The following HSH2D variants were observed in gnomAD, a reference collection of about 807,000 sequenced individuals.
HSH2D encodes the protein hematopoietic SH2 domain-containing protein.
HSH2D carries 16 observed loss-of-function variants against 21.5 expected under a neutral mutation model. The ratio of observed to expected loss-of-function variants is 0.74; its 90% CI spans 0.50 to 1.13. The LOEUF is 1.13. Among genes scored for constraint, HSH2D ranks in the 50% most tolerant of loss-of-function variants. HSH2D has a pLI of 0.00. For missense variants in HSH2D, 418 were observed against 441.4 expected, an observed-to-expected ratio of 0.95 and a Z score of 0.47; for synonymous variants, 172 against 184.7, an observed-to-expected ratio of 0.93 and a Z score of 0.56.
intron 3 of HSH2D, 90 bp from the exon 4 acceptor site, chr19:16,152,953 G>A (rs529929809): frequency 6.9e-7 from 1 of 1,459,308 alleles, no homozygotes; most frequent in South Asian, 1.2e-5. Flanking sequence ...TAGTCTGGCT[G>A]TAGCAGTGAC....
intron 1 of HSH2D, among the ~76,000 whole-genome samples, chr19:16,136,623 C>T (rs185335678): frequency 1.7e-3 from 256 of 152,294 alleles, no homozygotes; most frequent in African/African-American, 5.7e-3. Flanking sequence ...ATGCCAGCAG[C>T]TGCGTCAATA....
intron 5 of HSH2D, among the ~76,000 whole-genome samples, chr19:16,156,760 G>C (rs2091242106): frequency 6.6e-6 from 1 of 152,134 alleles, no homozygotes; most frequent in South Asian, 2.1e-4. Context: ...GGCCGAGGTG[G>C]GTGGATCACC....
In HSH2D at chr19:16,152,604, G is replaced by A; in HGVS notation, c.178G>A (p.Val60Ile). ...GCCACTGGGATCCTTTCTCATCAGG[G>A]TCAGTCACAGCCATGTGGGCTACAC... The part of the protein sequence containing the change: ...SQPLGSFLIR[V>I]SHSHVGYTLS... Residue 60 changes from valine (V) to isoleucine (I), a missense_variant, in exon 3 of 6, where the codon GTC becomes ATC. Coordinates refer to ENST00000613986, the MANE Select transcript of HSH2D (RefSeq NM_001382417.1). 6.6e-7 allele frequency: 1 copy of A among 1,517,310 alleles called. No individual in the cohort carries two copies. Among genetic ancestry groups the A allele is most frequent in the Non-Finnish European group, 8.8e-7 (1 of 1,135,458 alleles). The allele number at this position is 1,517,310 out of a possible 1,614,324, so 94.0% of individuals were successfully genotyped here.
At chr19:16,143,679 C>T (rs760894460), upstream of HSH2D, 9 of 437,752 alleles carry the variant, frequency 2.1e-5, no homozygotes, top group East Asian at 1.5e-4. Flanking sequence ...CAGCCAGCCC[C>T]GCCCCATTGA....
intron 1 of HSH2D, among the ~76,000 whole-genome samples, chr19:16,146,800 A>C (rs1008504211): frequency 6.7e-6 from 1 of 150,146 alleles, no homozygotes; most frequent in Non-Finnish European, 1.5e-5. Context: ...AGGGGCCTTG[A>C]TATTTACTTA....
At chr19:16,140,088 C>A (rs961916353), upstream of HSH2D, among the ~76,000 whole-genome samples, 13 of 152,194 alleles carry the variant, frequency 8.5e-5, no homozygotes, top group East Asian at 2.5e-3. Flanking sequence ...AAACTCTAAA[C>A]CCCATGCAAA....
At position 16,136,361 on chromosome 19, in the gene HSH2D, T is replaced by C. The variant is rs1166635205; in HGVS notation, c.-324+2126T>C. Among the ~76,000 whole-genome samples, 4 of 152,218 alleles carry C rather than the reference T, an allele frequency of 2.6e-5. No individual in the cohort carries two copies. The South Asian group carries it at 6.2e-4, about 24-fold the overall frequency. ...ACTGGGAACCCATCCTGTGCCTGGC[T>C]TTCTTCTGAGCCCTTAATGGGTCAC... is the stretch of plus-strand genomic sequence containing the variant. On this transcript the variant is annotated intron_variant, in intron 1 of 7. Transcript: ENST00000616645.
chr19:16,153,607 G>A (rs2091194850), intron 4 of HSH2D, among the ~76,000 whole-genome samples: 1 of 134,174 alleles, frequency 7.5e-6, no homozygotes, highest in Non-Finnish European at 1.6e-5. Context: ...TTCCTTAGAA[G>A]GCTCAGTGGG....
chr19:16,140,334 A>ATAAT (rs2090991552), upstream of HSH2D, among the ~76,000 whole-genome samples: 1 of 151,756 alleles, frequency 6.6e-6, no homozygotes, highest in East Asian at 1.9e-4. Context: ...AAATAAATAA[A>ATAAT]TACTTCAGGC....
upstream of HSH2D, among the ~76,000 whole-genome samples, chr19:16,143,362 G>T (rs547544844): frequency 7.9e-5 from 12 of 152,200 alleles, no homozygotes; most frequent in Non-Finnish European, 1.6e-4. Flanking sequence ...GGGATTGCAG[G>T]TGTGAGCCAC....
chr19:16,154,570 G>A, intron 5 of HSH2D, 79 bp downstream of exon 5: 11 of 817,548 alleles, frequency 1.3e-5, no homozygotes, highest in Non-Finnish European at 2.0e-5. Flanking sequence ...TTCCAGAGGA[G>A]GCTCCTTCTA....
intron 1 of HSH2D, among the ~76,000 whole-genome samples, chr19:16,148,099 C>T (rs1294737899): frequency 6.6e-6 from 1 of 152,192 alleles, no homozygotes; most frequent in African/African-American, 2.4e-5. Flanking sequence ...GCTGGGACTA[C>T]AGGCATGCAC....
chr19:16,145,023 G>GT (rs34431933), intron 1 of HSH2D, among the ~76,000 whole-genome samples: 4,185 of 130,562 alleles, frequency 0.032, 275 homozygotes, highest in African/African-American at 0.12. Context: ...GTGGTGATGG[G>GT]TTTTTTTTTT....
At chr19:16,153,479 G>T (rs1010171518) in intron 4 of HSH2D, among the ~76,000 whole-genome samples, 10 of 152,246 alleles carry the variant, frequency 6.6e-5, no homozygotes, top group Admixed American at 5.9e-4. Context: ...CTCATCTGAA[G>T]GAATGACATC....
At chr19:16,147,374 C>G (rs2091085825) in intron 1 of HSH2D, among the ~76,000 whole-genome samples, 1 of 150,520 alleles carries the variant, frequency 6.6e-6, no homozygotes, top group Non-Finnish European at 1.5e-5. Flanking sequence ...GTCCCAGCTA[C>G]TTGGGGGACT....
chr19:16,156,241 T>C (rs1433733429), intron 5 of HSH2D, among the ~76,000 whole-genome samples: 1 of 151,906 alleles, frequency 6.6e-6, no homozygotes, highest in African/African-American at 2.4e-5. Flanking sequence ...AGTCAGCTAC[T>C]CTGGGGGCTG....
chr19:16,156,243 T>A (rs982361959), intron 5 of HSH2D, among the ~76,000 whole-genome samples: 113 of 151,522 alleles, frequency 7.5e-4, no homozygotes, highest in African/African-American at 2.7e-3. Flanking sequence ...TCAGCTACTC[T>A]GGGGGCTGAG....
rs1392397959 is a variant in HSH2D, at chr19:16,157,301, C to T, written c.566C>T (p.Ser189Phe). The change falls in exon 6 of 6, where the codon TCC becomes TTC. Residue 189 changes from serine to phenylalanine, a missense_variant. By Grantham distance (155) the Ser-to-Phe change is radical. Coordinates refer to ENST00000613986, the MANE Select transcript of HSH2D (RefSeq NM_001382417.1). The surrounding 1 kb of genome is among the most constrained non-coding windows in gnomAD (Gnocchi z 4.4). The part of the protein sequence containing the change: ...NRITTKEATS[S>F]CPPKSPLGET... ...ATAACCACCAAGGAAGCCACTTCCT[C>T]CTGCCCCCCAAAATCCCCTCTTGGA... 5.0e-6 allele frequency: 8 copies of T among 1,612,580 alleles called. No individual in the cohort carries two copies. In the East Asian group the frequency reaches 1.6e-4, roughly 31 times the overall value.
Position 16,157,327 on chromosome 19 carries a change from G to A in HSH2D, c.592G>A (p.Glu198Lys), listed in dbSNP as rs767870936. Reference sequence around the variant, plus strand: ...CTGCCCCCCAAAATCCCCTCTTGGAGAGACCCGCCAGAAACTCTGGAGGAG... The same window carrying A: ...CTGCCCCCCAAAATCCCCTCTTGGAAAGACCCGCCAGAAACTCTGGAGGAG... Reference protein sequence around the residue: ...SSCPPKSPLGETRQKLWRSLK... With the variant: ...SSCPPKSPLGKTRQKLWRSLK... Residue 198 changes from glutamate (E) to lysine (K), a missense_variant, in exon 6 of 6, where the codon GAG becomes AAG. By Grantham distance (56) the Glu-to-Lys change is moderately conservative. Transcript: ENST00000613986. The surrounding 1 kb of genome is among the most constrained non-coding windows in gnomAD (Gnocchi z 4.4). 6.2e-7 allele frequency: 1 copy of A among 1,613,882 alleles called. No homozygotes were observed. The highest frequency in any genetic ancestry group is 1.1e-5 in the South Asian group (1 of 91,060).
Sources: gnomAD v4.1 joint callset for allele counts (sites outside exome capture counted in the v4.1 genomes callset) on GRCh38, gnomAD v4.1.1 for gene constraint, Gnocchi (gnomAD v3.1) non-coding constraint, MANE v1.5 for transcripts, NCBI Gene and HGNC (gene_info 2026-07-23, HGNC 2026-07-21) for gene names.